The following CTNND2 variants were observed in gnomAD, a reference collection of about 807,000 sequenced individuals.
The protein encoded by CTNND2 is catenin delta-2.
Under a neutral mutation model 144.4 loss-of-function variants are expected in CTNND2, and 22 were observed. That is an observed-to-expected ratio of 0.15 (90% CI 0.11 to 0.22). The LOEUF is 0.22. Ranked by LOEUF, CTNND2 falls within the 10% of genes least tolerant of loss-of-function variation. The probability of loss-of-function intolerance (pLI) is 1.00; values close to 1 mark genes in which losing one functional copy is unlikely to be tolerated. For synonymous variants in CTNND2, 751 were observed against 695.6 expected (o/e 1.08, Z -1.25); for missense variants, 1,353 against 1,618.8 (o/e 0.84, Z 2.82).
chr5:11,822,196 G>A (rs989316378), intron 1 of CTNND2, among the ~76,000 whole-genome samples: 1 of 152,148 alleles, frequency 6.6e-6, no homozygotes, highest in Non-Finnish European at 1.5e-5. Flanking sequence ...ACAGGAATGT[G>A]AGCAAACTCC....
At chr5:11,554,196 C>G (rs1198806806) in intron 3 of CTNND2, among the ~76,000 whole-genome samples, 1 of 152,078 alleles carries the variant, frequency 6.6e-6, no homozygotes, top group East Asian at 1.9e-4. Flanking sequence ...ATAACATAAA[C>G]TCTTAAGCTT....
At chr5:11,145,661 C>T (rs527949723) in intron 12 of CTNND2, among the ~76,000 whole-genome samples, 1 of 152,276 alleles carries the variant, frequency 6.6e-6, no homozygotes, top group Admixed American at 6.5e-5. Context: ...CCTGCCCCAC[C>T]TCTCTAATCC....
intron 2 of CTNND2, among the ~76,000 whole-genome samples, chr5:11,641,762 A>T (rs2126505958): frequency 6.7e-6 from 1 of 148,538 alleles, no homozygotes; most frequent in East Asian, 2.2e-4. Flanking sequence ...ATGTACATAC[A>T]TATACGTATA....
At chr5:11,673,736 G>A (rs1366402) in intron 2 of CTNND2, among the ~76,000 whole-genome samples, 17,483 of 151,926 alleles carry the variant, frequency 0.12, 1,207 homozygotes, top group East Asian at 0.16. Flanking sequence ...AAGTGAAAAG[G>A]GAATTTATGC....
At chr5:11,641,458 T>C (rs536847803) in intron 2 of CTNND2, among the ~76,000 whole-genome samples, 1 of 151,144 alleles carries the variant, frequency 6.6e-6, no homozygotes, top group African/African-American at 2.4e-5. Flanking sequence ...TATATATATA[T>C]ATATATCCTT....
chr5:11,015,852 T>C lies in CTNND2; in HGVS notation c.3084+2122A>G, dbSNP rs113252013. 4.0e-3 allele frequency among the ~76,000 whole-genome samples: 605 copies of C among 152,350 alleles called. 5 individuals carry two copies. Among genetic ancestry groups the C allele is most frequent in the African/African-American group, 0.012 (502 of 41,576 alleles). The stretch of plus-strand genomic sequence containing the variant: ...CTGCCTATTTAGCTGAAGGACTCTT[T>C]CCTGGGCGAGACTTCATTTGCCTCC... On this transcript the variant is annotated intron_variant, in intron 18 of 21. Transcript: ENST00000304623.
At chr5:11,226,312 G>A (rs1421085188) in intron 10 of CTNND2, among the ~76,000 whole-genome samples, 1 of 152,152 alleles carries the variant, frequency 6.6e-6, no homozygotes, top group African/African-American at 2.4e-5. Context: ...TCTACAGAAT[G>A]GCAGCTGCCT....
chr5:11,585,752 A>G (rs555944636), intron 2 of CTNND2, among the ~76,000 whole-genome samples: 2 of 151,794 alleles, frequency 1.3e-5, no homozygotes, highest in Admixed American at 6.6e-5. Flanking sequence ...ACTTAAGTAG[A>G]ATAATTAAGA....
At chr5:11,690,742 C>CAAAAAAAAAAAA (rs58799389) in intron 2 of CTNND2, among the ~76,000 whole-genome samples, 2 of 36,532 alleles carry the variant, frequency 5.5e-5, no homozygotes, top group Non-Finnish European at 7.5e-5. Context: ...GACTCCGTCT[C>CAAAAAAAAAAAA]AAAAAAAAAA....
In CTNND2 at chr5:11,159,770, C is replaced by A; in HGVS notation, c.1976-11G>T. 1.9e-6 allele frequency: 3 copies of A among 1,558,060 alleles called. No homozygotes were observed. The highest frequency in any genetic ancestry group is 2.3e-5 in the East Asian group (1 of 42,876). On this transcript the variant is annotated splice_polypyrimidine_tract_variant and intron_variant, in intron 11 of 21. Coordinates refer to ENST00000304623, the MANE Select transcript of CTNND2 (RefSeq NM_001332.4). ...GGTTCCAAAGGACTCCTGCAAGAGACACACAAAAAGAGGTTTTGGGTGGCC... is the reference window on the plus strand; with the variant it reads ...GGTTCCAAAGGACTCCTGCAAGAGAAACACAAAAAGAGGTTTTGGGTGGCC...
intron 20 of CTNND2, among the ~76,000 whole-genome samples, chr5:10,983,275 A>C (rs952386048): frequency 1.3e-5 from 2 of 152,170 alleles, no homozygotes; most frequent in African/African-American, 4.8e-5. Flanking sequence ...AAGTAAGTAC[A>C]ACTATTATGT....
intron 12 of CTNND2, among the ~76,000 whole-genome samples, chr5:11,142,585 AG>A (rs2149737146): frequency 6.6e-6 from 1 of 151,620 alleles, no homozygotes; most frequent in African/African-American, 2.4e-5. Context: ...GTACTGGAAA[AG>A]GTTTGGTGTC....
chr5:11,149,072 G>A (rs1013382103), intron 12 of CTNND2, among the ~76,000 whole-genome samples: 1 of 152,164 alleles, frequency 6.6e-6, no homozygotes, highest in African/African-American at 2.4e-5. Context: ...GAGAAACGCT[G>A]CCCTTCAAGC....
chr5:11,685,192 A>AC (rs1784591835), intron 2 of CTNND2, among the ~76,000 whole-genome samples: 1 of 152,152 alleles, frequency 6.6e-6, no homozygotes. Context: ...CCATACCTAG[A>AC]GTTACAAGTT....
chr5:11,563,229 A>C lies in CTNND2; in HGVS notation c.287+1715T>G, dbSNP rs146452710. ...CATGTAAAAGGTATACAACATGGGA[A>C]AATGTCACACAGAAATATCAGGAAC... On this transcript the variant is annotated intron_variant, in intron 3 of 21. Transcript: ENST00000304623. Among the ~76,000 whole-genome samples the C allele has an allele frequency of 7.2e-5, 11 of 152,348 alleles. No individual in the cohort carries two copies. The East Asian group carries it at 1.7e-3, about 24-fold the overall frequency.
At chr5:11,233,183 T>G (rs544371671) in intron 10 of CTNND2, among the ~76,000 whole-genome samples, 2 of 152,168 alleles carry the variant, frequency 1.3e-5, no homozygotes, top group African/African-American at 4.8e-5. Context: ...GAGGAGATGG[T>G]CTTAAATCCA....
intron 10 of CTNND2, among the ~76,000 whole-genome samples, chr5:11,203,591 T>C (rs1017232466): frequency 2.0e-5 from 3 of 152,142 alleles, no homozygotes; most frequent in African/African-American, 7.2e-5. Flanking sequence ...CCCAGGCTGG[T>C]CTTCAACTCC....
At chr5:11,069,591 A>C (rs1748002655) in intron 16 of CTNND2, among the ~76,000 whole-genome samples, 1 of 152,158 alleles carries the variant, frequency 6.6e-6, no homozygotes, top group African/African-American at 2.4e-5. Flanking sequence ...AAATATAGGT[A>C]GTACAATGAT....
intron 10 of CTNND2, among the ~76,000 whole-genome samples, chr5:11,228,002 G>A (rs71599566): frequency 2.4e-4 from 37 of 152,146 alleles, no homozygotes; most frequent in Middle Eastern, 3.4e-3. Flanking sequence ...CTGGACTCTC[G>A]CCAGCTGTGG....
Sources: allele counts gnomAD v4.1 joint callset (sites outside exome capture counted in the v4.1 genomes callset), GRCh38; gene constraint gnomAD v4.1.1; transcripts MANE v1.5; gene names NCBI Gene and HGNC (gene_info 2026-07-23, HGNC 2026-07-21).